The following ZBTB40 variants were observed in gnomAD, a reference collection of about 807,000 sequenced individuals.
ZBTB40 encodes zinc finger and BTB domain containing 40.
Under a neutral mutation model 117.5 loss-of-function variants are expected in ZBTB40, and 60 were observed. The observed-to-expected ratio is 0.51, with a 90% confidence interval of 0.41 to 0.63. ZBTB40 has a LOEUF of 0.63. Among genes scored for constraint, ZBTB40 ranks in the 30% least tolerant of loss-of-function variants. The pLI, the probability that ZBTB40 is intolerant of heterozygous loss-of-function variation, is 0.00. For missense variants in ZBTB40, 1,287 were observed against 1,498.5 expected (o/e 0.86, Z 2.33); for synonymous variants, 525 against 577.1 (o/e 0.91, Z 1.29).
At position 22,527,616 on chromosome 1, in the gene ZBTB40, C is replaced by G. The variant is rs1213420880; in HGVS notation, c.*1220C>G. ...AGTCTGCTGGTGCGGTGTTTACACA[C>G]CAGGCAGGGCTGTCTGCCACCTTGT... On this transcript the variant is annotated 3_prime_UTR_variant, in exon 18 of 18. Transcript: ENST00000375647. 3 of 152,430 alleles carry G rather than the reference C, an allele frequency of 2.0e-5. No individual in the cohort carries two copies. Among genetic ancestry groups the G allele is most frequent in the Non-Finnish European group, 4.4e-5 (3 of 68,052 alleles). The allele number at this position is 152,430 out of a possible 1,614,324, so 9.4% of individuals were successfully genotyped here.
At chr1:22,443,258 A>G (rs532004916) in intron 1 of ZBTB40, among the ~76,000 whole-genome samples, 1 of 152,210 alleles carries the variant, frequency 6.6e-6, no homozygotes, top group Non-Finnish European at 1.5e-5. Flanking sequence ...GGTAGTCTCA[A>G]AAGGTCCTCA....
chr1:22,484,248 G>C (rs1638404875), intron 1 of ZBTB40, among the ~76,000 whole-genome samples: 1 of 152,200 alleles, frequency 6.6e-6, no homozygotes, highest in African/African-American at 2.4e-5. Flanking sequence ...GGGAAGATCT[G>C]AGTCTCTGAA....
Position 22,521,532 on chromosome 1 carries a change from C to T in ZBTB40, c.3085C>T (p.His1029Tyr). ...SGLWYHNRTH[H>Y]PDVFAAQNHR... ...TTTGTGGTACCACAATCGAACCCACCACCCTGACGTATTTGCTGCTCAGAA... is the reference window on the plus strand; with the variant it reads ...TTTGTGGTACCACAATCGAACCCACTACCCTGACGTATTTGCTGCTCAGAA... The change falls in exon 15 of 18, where the codon CAC (histidine) becomes TAC (tyrosine). Residue 1029 changes from histidine to tyrosine, a missense_variant. Coordinates refer to ENST00000375647, the MANE Select transcript of ZBTB40 (RefSeq NM_014870.4). The T allele has an allele frequency of 6.2e-7, 1 of 1,614,178 alleles. No homozygotes were observed. Among genetic ancestry groups the T allele is most frequent in the Non-Finnish European group, 8.5e-7 (1 of 1,180,036 alleles).
chr1:22,460,915 T>TC (rs895597297), intron 1 of ZBTB40, among the ~76,000 whole-genome samples: 78 of 152,092 alleles, frequency 5.1e-4, no homozygotes, highest in Non-Finnish European at 1.5e-4. Context: ...CAGTAAACCC[T>TC]CCCATCTTTC....
rs1316450711 is a variant in ZBTB40, at chr1:22,511,936, A to G, written c.2263A>G (p.Met755Val). 1.2e-6 allele frequency: 2 copies of G among 1,614,216 alleles called. No individual in the cohort carries two copies. Among genetic ancestry groups the G allele is most frequent in the East Asian group, 2.2e-5 (1 of 44,886 alleles). ...TTTCTACTGCCGCCTAAAGGTGCAC[A>G]TGAAGCGCTGCCGGGTGGCTAAGAG... ...FHFYCRLKVH[M>V]KRCRVAKSKQ... Residue 755 changes from methionine to valine, a missense_variant, in exon 11 of 18, where the codon ATG becomes GTG. Coordinates refer to ENST00000375647, the MANE Select transcript of ZBTB40 (RefSeq NM_014870.4).
At chr1:22,480,740 G>A (rs1367557380) in intron 1 of ZBTB40, among the ~76,000 whole-genome samples, 1 of 152,134 alleles carries the variant, frequency 6.6e-6, no homozygotes, top group African/African-American at 2.4e-5. Context: ...TTCTTGACTT[G>A]AGATTCCTGT....
chr1:22,484,626 C>T (rs1638415731), intron 1 of ZBTB40, among the ~76,000 whole-genome samples: 1 of 152,002 alleles, frequency 6.6e-6, no homozygotes. Flanking sequence ...ATCAGTATAC[C>T]TTCTATTTCC....
Position 22,527,742 on chromosome 1 carries a change from A to G in ZBTB40, c.*1346A>G, listed in dbSNP as rs995678108. The G allele has an allele frequency of 1.3e-5, 2 of 152,112 alleles. No homozygotes were observed. The highest frequency in any genetic ancestry group is 6.5e-5 in the Admixed American group (1 of 15,278). 9.4% of individuals were successfully genotyped at this position (152,112 alleles called of 1,614,324 possible). ...AGGCACATCTCACATTGCCATGTAC[A>G]GAGGCAGGAGTCACGTTTGGTCACC... On this transcript the variant is annotated 3_prime_UTR_variant, in exon 18 of 18. Coordinates refer to ENST00000375647, the MANE Select transcript of ZBTB40 (RefSeq NM_014870.4).
intron 1 of ZBTB40, among the ~76,000 whole-genome samples, chr1:22,455,346 A>G (rs1640979557): frequency 6.6e-6 from 1 of 152,220 alleles, no homozygotes; most frequent in South Asian, 2.1e-4. Context: ...AAGTAAAAAT[A>G]GGATAATGTT....
intron 1 of ZBTB40, among the ~76,000 whole-genome samples, chr1:22,487,099 A>G (rs1414550140): frequency 6.6e-6 from 1 of 152,168 alleles, no homozygotes; most frequent in African/African-American, 2.4e-5. Flanking sequence ...TTTTAGGAAC[A>G]GTGATTTGCC....
chr1:22,517,498 G>T (rs1192055022), intron 13 of ZBTB40, 34 bp downstream of exon 13: 1 of 1,599,958 alleles, frequency 6.3e-7, no homozygotes, highest in African/African-American at 1.3e-5. Flanking sequence ...AGCCCTCAGT[G>T]CCAGCCTGGC....
intron 1 of ZBTB40, among the ~76,000 whole-genome samples, chr1:22,488,442 A>C (rs138006877): frequency 4.7e-4 from 72 of 152,318 alleles, no homozygotes; most frequent in African/African-American, 1.7e-3. Context: ...GAAAGGCCTT[A>C]CTGCTAACAT....
chr1:22,491,634 T>G (rs1048035936), intron 3 of ZBTB40, 101 bp downstream of exon 3: 6 of 1,386,406 alleles, frequency 4.3e-6, no homozygotes, highest in Non-Finnish European at 6.0e-6. Context: ...GTTTCAATGT[T>G]TTGAAACTTT....
chr1:22,436,152 C>T (rs1464468453), intron 1 of ZBTB40, among the ~76,000 whole-genome samples: 1 of 152,154 alleles, frequency 6.6e-6, no homozygotes, highest in Non-Finnish European at 1.5e-5. Flanking sequence ...ATGACCTAGT[C>T]TTCACATTCC....
At position 22,508,128 on chromosome 1, in the gene ZBTB40, A is replaced by AGAAAGAGAG; in HGVS notation, c.1490_1497+1dup. 1 of 1,613,868 alleles carries AGAAAGAGAG rather than the reference A, an allele frequency of 6.2e-7. No homozygotes were observed. Among genetic ancestry groups the AGAAAGAGAG allele is most frequent in the Non-Finnish European group, 8.5e-7 (1 of 1,180,010 alleles). Reference sequence around the variant, plus strand: ...CACACATGACAAGTTTAGCCCCTGGAGAAAGAGAGGTAAGAGAGGGAGAGA... The same window carrying AGAAAGAGAG: ...CACACATGACAAGTTTAGCCCCTGGAGAAAGAGAGGAAAGAGAGGTAAGAGAGGGAGAGA... On this transcript the variant is annotated inframe_insertion, in exon 7 of 18. Coordinates refer to ENST00000375647, the MANE Select transcript of ZBTB40 (RefSeq NM_014870.4).
At position 22,529,823 on chromosome 1, in the gene ZBTB40, C is replaced by T. The variant is rs952272520; in HGVS notation, c.*3427C>T. Reference sequence around the variant, plus strand: ...CGGAAGGCATGTCAGCTTCATGCCTCGGGCTAGAGTTCTGATAATCGGGGC... The same window carrying T: ...CGGAAGGCATGTCAGCTTCATGCCTTGGGCTAGAGTTCTGATAATCGGGGC... On this transcript the variant is annotated 3_prime_UTR_variant, in exon 18 of 18. Transcript: ENST00000375647. 4.6e-5 allele frequency: 7 copies of T among 152,220 alleles called. No homozygotes were observed. The highest frequency in any genetic ancestry group is 3.8e-4 in the East Asian group (2 of 5,254). The allele number at this position is 152,220 out of a possible 1,614,324, so 9.4% of individuals were successfully genotyped here.
chr1:22,450,466 C>T (rs1640847389), upstream of ZBTB40, among the ~76,000 whole-genome samples: 1 of 152,120 alleles, frequency 6.6e-6, no homozygotes, highest in African/African-American at 2.4e-5. Flanking sequence ...GTAACGGTGA[C>T]ATGAGTATAA....
chr1:22,483,345 G>C (rs1453325296), intron 1 of ZBTB40, among the ~76,000 whole-genome samples: 1 of 152,150 alleles, frequency 6.6e-6, no homozygotes, highest in African/African-American at 2.4e-5. Context: ...TGTGGCAAGA[G>C]TATGTTTGGT....
rs373018636 is a variant in ZBTB40, at chr1:22,522,352, A to T, written c.3212-25A>T. On this transcript the variant is annotated intron_variant, in intron 15 of 17. Transcript: ENST00000375647. ...AGCCAACCATTTGTTCTTTCCCAGC[A>T]CGTCTTTCTTTATGCACTTCACAGA... 34 of 1,612,568 alleles carry T rather than the reference A, an allele frequency of 2.1e-5. No homozygotes were observed. In the African/African-American group the frequency reaches 4.3e-4, roughly 20 times the overall value.
Sources: allele counts gnomAD v4.1 joint callset (sites outside exome capture counted in the v4.1 genomes callset), GRCh38; gene constraint gnomAD v4.1.1; transcripts MANE v1.5; gene names NCBI Gene and HGNC (gene_info 2026-07-23, HGNC 2026-07-21).